Variants in AGAP1 observed in about 807,000 individuals in gnomAD.
The protein encoded by AGAP1 is arf-GAP with GTPase, ANK repeat and PH domain-containing protein 1.
In AGAP1, 29 loss-of-function variants were observed where a neutral mutation model predicts 105.3. The observed-to-expected ratio is 0.28, with a 90% CI of 0.21 to 0.38. AGAP1 has a LOEUF of 0.38. Ranked by LOEUF, AGAP1 falls within the 10% of genes least tolerant of loss-of-function variation. AGAP1 has a pLI of 1.00. For missense variants in AGAP1, 998 were observed against 1,165.1 expected, an observed-to-expected ratio of 0.86 and a Z score of 2.09; for synonymous variants, 509 against 485.9, an observed-to-expected ratio of 1.05 and a Z score of -0.63.
intron 6 of AGAP1, among the ~76,000 whole-genome samples, chr2:235,786,940 T>C (rs1196775856): frequency 1.3e-5 from 2 of 152,254 alleles, no homozygotes; most frequent in African/African-American, 4.8e-5. Context: ...GGCTCCCGTA[T>C]TCTTGACACC....
chr2:235,640,760 C>CCTTT (rs1947162974), intron 1 of AGAP1, among the ~76,000 whole-genome samples: 1 of 152,156 alleles, frequency 6.6e-6, no homozygotes. Flanking sequence ...GCAGGCAAAC[C>CCTTT]CTTTGAACTT....
chr2:235,707,518 ACT>A (rs1363627330), intron 1 of AGAP1, among the ~76,000 whole-genome samples: 1 of 60,532 alleles, frequency 1.7e-5, no homozygotes. Flanking sequence ...TGTGCCCCCC[ACT>A]CTGTGACCTG....
chr2:236,010,898 T>A (rs1485342847), intron 13 of AGAP1, among the ~76,000 whole-genome samples: 1 of 152,138 alleles, frequency 6.6e-6, no homozygotes, highest in Admixed American at 6.5e-5. Context: ...GTACAAAAAA[T>A]TAGTCGGGCG....
rs1442392910 is a variant in AGAP1 at position 236,046,623 on chromosome 2, T to TG, written c.1892-2435dup. Among the ~76,000 whole-genome samples the TG allele has an allele frequency of 6.6e-6, 1 of 152,080 alleles. No individual in the cohort carries two copies. The highest frequency in any genetic ancestry group is 2.4e-5 in the African/African-American group (1 of 41,412). On this transcript the variant is annotated intron_variant, in intron 15 of 17. Coordinates refer to ENST00000304032, the MANE Select transcript of AGAP1 (RefSeq NM_001037131.3). This position sits in a 1 kb window ranked among gnomAD's most constrained non-coding sequence, Gnocchi z 5.2. ...TCCCAACTGAAATGTACGTGGTCGT[T>TG]GCGTATATAATAATTCAGGAGCCAG...
intron 9 of AGAP1, among the ~76,000 whole-genome samples, chr2:235,832,731 A>C (rs891373913): frequency 8.5e-5 from 13 of 152,346 alleles, no homozygotes; most frequent in Non-Finnish European, 4.4e-5. Context: ...TATTGGCTGA[A>C]GTGACCACGT....
intron 9 of AGAP1, among the ~76,000 whole-genome samples, chr2:235,881,744 A>G (rs915904264): frequency 2.0e-5 from 3 of 152,250 alleles, no homozygotes; most frequent in Non-Finnish European, 2.9e-5. Flanking sequence ...TTTGCTGGGA[A>G]TTGGTGTTAA....
intron 16 of AGAP1, among the ~76,000 whole-genome samples, chr2:236,079,330 G>A (rs2058721033): frequency 6.7e-6 from 1 of 149,592 alleles, no homozygotes; most frequent in Non-Finnish European, 1.5e-5. Flanking sequence ...ACCAGCCTAG[G>A]CAGCATAGTG....
chr2:235,661,545 TA>T (rs149898004), intron 1 of AGAP1, among the ~76,000 whole-genome samples: 16,634 of 150,424 alleles, frequency 0.11, 3,201 homozygotes, highest in African/African-American at 0.39. Flanking sequence ...GGGGGGGCTG[TA>T]GGATGCTGGA....
intron 9 of AGAP1, chr2:235,852,959 C>A: frequency 7.9e-7 from 1 of 1,264,930 alleles, no homozygotes; most frequent in South Asian, 3.5e-5. Flanking sequence ...TGACACCTTC[C>A]AACAAAGAGG....
In AGAP1 at chr2:235,536,142, T is replaced by TACACACACACAC. The variant is rs58090095; in HGVS notation, c.163+41319_163+41330dup. 3.0e-4 allele frequency among the ~76,000 whole-genome samples: 5 copies of TACACACACACAC among 16,414 alleles called. 1 individual carries two copies. The highest frequency in any genetic ancestry group is 9.6e-4 in the Admixed American group (1 of 1,042). 10.8% of individuals were successfully genotyped at this position (16,414 alleles called of 152,430 possible). ...ACCCCGGGGTTTGTGTGTGGCATCC[T>TACACACACACAC]ACACACACACACACACACACACACA... is the stretch of plus-strand genomic sequence containing the variant. On this transcript the variant is annotated intron_variant, in intron 1 of 17. Transcript: ENST00000304032.
intron 13 of AGAP1, among the ~76,000 whole-genome samples, chr2:236,007,001 G>C (rs10179607): frequency 0.66 from 100,968 of 152,016 alleles, 35,222 homozygotes; most frequent in African/African-American, 0.89. Context: ...TTTACTCATT[G>C]ACAGTAACCA....
Position 235,531,961 on chromosome 2 carries a change from T to C in AGAP1, c.163+37112T>C, listed in dbSNP as rs984952759. 4.6e-5 allele frequency among the ~76,000 whole-genome samples: 7 copies of C among 152,318 alleles called. No individual in the cohort carries two copies. In the South Asian group the frequency reaches 1.5e-3, roughly 32 times the overall value. On this transcript the variant is annotated intron_variant, in intron 1 of 17. Coordinates refer to ENST00000304032, the MANE Select transcript of AGAP1 (RefSeq NM_001037131.3). Reference sequence around the variant, plus strand: ...TGGGACTCCAGCCCTGTGAAGTGGCTGTCCGCATTAGATCGGACACCTGGC... The same window carrying C: ...TGGGACTCCAGCCCTGTGAAGTGGCCGTCCGCATTAGATCGGACACCTGGC...
At chr2:235,768,367 A>C (rs1362496527) in intron 6 of AGAP1, among the ~76,000 whole-genome samples, 1 of 152,226 alleles carries the variant, frequency 6.6e-6, no homozygotes, top group Non-Finnish European at 1.5e-5. Context: ...TTTCTCTATC[A>C]GAATATGTAC....
chr2:235,510,990 G>A (rs1006232047), intron 1 of AGAP1, among the ~76,000 whole-genome samples: 1 of 143,394 alleles, frequency 7.0e-6, no homozygotes, highest in Admixed American at 7.0e-5. Flanking sequence ...GGTGCTGGGT[G>A]GGGGGGCGGG....
At chr2:236,017,208 G>A (rs1023012952) in intron 13 of AGAP1, among the ~76,000 whole-genome samples, 3 of 150,650 alleles carry the variant, frequency 2.0e-5, no homozygotes, top group Admixed American at 1.3e-4. Context: ...CAGGAGAATC[G>A]CTTGAACCCA....
intron 1 of AGAP1, among the ~76,000 whole-genome samples, chr2:235,512,918 C>T (rs1010664979): frequency 4.6e-5 from 7 of 152,214 alleles, no homozygotes; most frequent in Non-Finnish European, 8.8e-5. Context: ...CATTAATGCT[C>T]GTGCAGGGCT....
rs986284802 is a variant in AGAP1 at position 235,963,082 on chromosome 2, A to G, written c.1484-5380A>G. ...TGGGTTGGCTGTGGTGGTCTCTTAG[A>G]GGAAGGTGGGTGGTGGTATTTCCAA... On this transcript the variant is annotated intron_variant, in intron 12 of 17. Transcript: ENST00000304032. This position sits in a 1 kb window ranked among gnomAD's most constrained non-coding sequence, Gnocchi z 5.1. Among the ~76,000 whole-genome samples the G allele has an allele frequency of 6.6e-6, 1 of 152,150 alleles. No homozygotes were observed. Among genetic ancestry groups the G allele is most frequent in the Non-Finnish European group, 1.5e-5 (1 of 68,026 alleles).
At chr2:236,026,369 T>A (rs2057054081) in intron 13 of AGAP1, among the ~76,000 whole-genome samples, 1 of 152,200 alleles carries the variant, frequency 6.6e-6, no homozygotes, top group Non-Finnish European at 1.5e-5. Context: ...GACCACCACC[T>A]CTGTGTACCA....
At chr2:235,573,044 T>TC (rs1559258915) in intron 1 of AGAP1, among the ~76,000 whole-genome samples, 264 of 15,660 alleles carry the variant, frequency 0.017, 37 homozygotes, top group East Asian at 0.11. Flanking sequence ...TTCTTCTTCT[T>TC]CTTCTTCTTC....
Sources: gnomAD v4.1 joint callset for allele counts (sites outside exome capture counted in the v4.1 genomes callset) on GRCh38, gnomAD v4.1.1 for gene constraint, Gnocchi (gnomAD v3.1) non-coding constraint, MANE v1.5 for transcripts, NCBI Gene and HGNC (gene_info 2026-07-23, HGNC 2026-07-21) for gene names.